PARPBP: variants seen among roughly 807,000 people sequenced by gnomAD.
PARPBP encodes the protein PCNA-interacting partner.
Under a neutral mutation model 50.0 loss-of-function variants are expected in PARPBP, and 52 were observed. The ratio of observed to expected loss-of-function variants is 1.04; its 90% CI spans 0.83 to 1.31. PARPBP has a LOEUF of 1.31. Among genes scored for constraint, PARPBP ranks in the 50% most tolerant of loss-of-function variants. PARPBP has a pLI of 0.00. For synonymous variants in PARPBP, 244 were observed against 232.1 expected, an observed-to-expected ratio of 1.05 and a Z score of -0.47; for missense variants, 697 against 672.0, an observed-to-expected ratio of 1.04 and a Z score of -0.41.
chr12:102,149,876 A>G (rs1174599345), intron 3 of PARPBP, among the ~76,000 whole-genome samples: 1 of 152,216 alleles, frequency 6.6e-6, no homozygotes, highest in African/African-American at 2.4e-5. Context: ...TTGCTTGCTT[A>G]CAGAGATGAT....
At chr12:102,191,505 A>C (rs147223682) in intron 9 of PARPBP, among the ~76,000 whole-genome samples, 7 of 152,270 alleles carry the variant, frequency 4.6e-5, no homozygotes, top group Non-Finnish European at 8.8e-5. Context: ...CAAACTTGCT[A>C]ATATATTTAT....
At chr12:102,142,075 G>A (rs576063266) in intron 2 of PARPBP, among the ~76,000 whole-genome samples, 1 of 152,236 alleles carries the variant, frequency 6.6e-6, no homozygotes, top group African/African-American at 2.4e-5. Context: ...ATATCCTGCA[G>A]AGTGTTTTCC....
intron 9 of PARPBP, among the ~76,000 whole-genome samples, chr12:102,187,266 C>G (rs1019677369): frequency 2.6e-5 from 4 of 151,962 alleles, no homozygotes; most frequent in Non-Finnish European, 5.9e-5. Context: ...AGTCCTAGTC[C>G]CCAGATACAG....
intron 1 of PARPBP, among the ~76,000 whole-genome samples, chr12:102,120,643 C>G (rs1180900432): frequency 6.6e-6 from 1 of 152,322 alleles, no homozygotes; most frequent in East Asian, 1.9e-4. Context: ...TAGTTACAGC[C>G]TCCCAAGGAA....
In PARPBP at chr12:102,150,781, G is replaced by A. The variant is rs780345707; in HGVS notation, c.387+2318G>A. Among the ~76,000 whole-genome samples, 78 of 152,214 alleles carry A rather than the reference G, an allele frequency of 5.1e-4. 2 individuals are homozygous for A. Among genetic ancestry groups the A allele is most frequent in the Non-Finnish European group, 1.0e-4 (7 of 68,038 alleles). ...AAGAGCTTAGCCTCAGAGATCTGTG[G>A]ACGTCTTTGGGGGAAGGTCAGCAAA... On this transcript the variant is annotated intron_variant, in intron 3 of 10. Coordinates refer to ENST00000327680, the MANE Select transcript of PARPBP (RefSeq NM_017915.5).
Position 102,161,145 on chromosome 12 carries a change from G to A in PARPBP, c.496-3293G>A, listed in dbSNP as rs924189436. 4.6e-5 allele frequency among the ~76,000 whole-genome samples: 7 copies of A among 151,664 alleles called. No individual in the cohort carries two copies. In the South Asian group the frequency reaches 8.3e-4, roughly 18 times the overall value. On this transcript the variant is annotated intron_variant, in intron 4 of 10. Coordinates refer to ENST00000327680, the MANE Select transcript of PARPBP (RefSeq NM_017915.5). ...TCTTTGGAGACAGTCTCATTCTGTC[G>A]CTCAGGCTGGAGTGCAGTAGCATTA... is the stretch of plus-strand genomic sequence containing the variant.
rs1881527839 is a variant in PARPBP at position 102,123,811 on chromosome 12, C to CT, written c.-3-73dup. On this transcript the variant is annotated intron_variant, in intron 1 of 10. Coordinates refer to ENST00000327680, the MANE Select transcript of PARPBP (RefSeq NM_017915.5). Reference sequence around the variant, plus strand: ...CACTATATGTTTTTCTCTATCTGTGCTTGCCTATACATGTTAAATGTTAAT... The same window carrying CT: ...CACTATATGTTTTTCTCTATCTGTGCTTTGCCTATACATGTTAAATGTTAAT... 8 of 931,492 alleles carry CT rather than the reference C, an allele frequency of 8.6e-6. No homozygotes were observed. In the East Asian group the frequency reaches 2.1e-4, roughly 25 times the overall value. The allele number at this position is 931,492 out of a possible 1,614,324, so 57.7% of individuals were successfully genotyped here.
rs761601630 is a variant in PARPBP at position 102,154,044 on chromosome 12, C to T, written c.495+68C>T. The T allele has an allele frequency of 4.2e-6, 4 of 953,154 alleles. No homozygotes were observed. The African/African-American group carries it at 4.9e-5, about 12-fold the overall frequency. The allele number at this position is 953,154 out of a possible 1,614,324, so 59.0% of individuals were successfully genotyped here. A position where few individuals can be genotyped will look rare whatever the true frequency, so the allele number is the denominator to read the frequency against. ...TTTCAAATCACTGAATTTGGTGGTA[C>T]CTTAAAGTTACTAATGCTTTGTAAA... On this transcript the variant is annotated intron_variant, in intron 4 of 10. Transcript: ENST00000327680.
chr12:102,138,804 G>A (rs1476447429), intron 2 of PARPBP, among the ~76,000 whole-genome samples: 1 of 152,144 alleles, frequency 6.6e-6, no homozygotes, highest in Non-Finnish European at 1.5e-5. Context: ...TTGTAGATGT[G>A]TGATATTATT....
intron 8 of PARPBP, among the ~76,000 whole-genome samples, chr12:102,179,577 C>T (rs1339870351): frequency 6.6e-6 from 1 of 152,166 alleles, no homozygotes; most frequent in Non-Finnish European, 1.5e-5. Flanking sequence ...GGTAGAAGCA[C>T]ATGGAGAGAG....
chr12:102,131,627 G>T (rs958527269), intron 2 of PARPBP, among the ~76,000 whole-genome samples: 7 of 152,060 alleles, frequency 4.6e-5, no homozygotes, highest in African/African-American at 1.7e-4. Context: ...AAGAAAATGT[G>T]GTACATATAC....
chr12:102,163,403 T>G (rs1232793551), intron 4 of PARPBP, among the ~76,000 whole-genome samples: 1 of 152,222 alleles, frequency 6.6e-6, no homozygotes, highest in East Asian at 1.9e-4. Context: ...TTTCTCTTAC[T>G]TTTGGCTGTC....
At chr12:102,195,204 C>A in intron 9 of PARPBP, 108 bp from the exon 10 acceptor site, 1 of 623,020 alleles carries the variant, frequency 1.6e-6, no homozygotes, top group South Asian at 3.1e-5. Context: ...AATAGAATTT[C>A]TAAGGGAAAT....
At chr12:102,183,956 G>A (rs759469565) in intron 9 of PARPBP, among the ~76,000 whole-genome samples, 3 of 149,222 alleles carry the variant, frequency 2.0e-5, no homozygotes, top group Non-Finnish European at 1.5e-5. Context: ...TCAGCTACTC[G>A]GTAGGCTGAG....
At chr12:102,161,886 A>G (rs1203466328) in intron 4 of PARPBP, among the ~76,000 whole-genome samples, 1 of 152,236 alleles carries the variant, frequency 6.6e-6, no homozygotes, top group Non-Finnish European at 1.5e-5. Flanking sequence ...GCATCTCTGA[A>G]AAGGTAACAT....
At chr12:102,176,357 T>C (rs772759666) in intron 7 of PARPBP, among the ~76,000 whole-genome samples, 1 of 152,226 alleles carries the variant, frequency 6.6e-6, no homozygotes, top group Non-Finnish European at 1.5e-5. Context: ...GTTTCTGACT[T>C]TAATACTAAG....
intron 8 of PARPBP, 85 bp from the exon 9 acceptor site, chr12:102,182,464 G>C (rs1460369850): frequency 1.1e-6 from 1 of 884,552 alleles, no homozygotes; most frequent in Non-Finnish European, 1.8e-6. Context: ...GATTGTATTG[G>C]GAATTAAGTT....
chr12:102,130,472 AT>A (rs1882672066), intron 2 of PARPBP, among the ~76,000 whole-genome samples: 2 of 152,298 alleles, frequency 1.3e-5, no homozygotes, highest in African/African-American at 4.8e-5. Flanking sequence ...ATAGGAGAAA[AT>A]TTTTGCAAAC....
chr12:102,121,884 A>G (rs1476985672), intron 1 of PARPBP, among the ~76,000 whole-genome samples: 4 of 152,178 alleles, frequency 2.6e-5, no homozygotes, highest in African/African-American at 2.4e-5. Flanking sequence ...CTCATAATGC[A>G]TGATAATAGC....
Sources: gnomAD v4.1 joint callset for allele counts (sites outside exome capture counted in the v4.1 genomes callset) on GRCh38, gnomAD v4.1.1 for gene constraint, MANE v1.5 for transcripts, NCBI Gene and HGNC (gene_info 2026-07-23, HGNC 2026-07-21) for gene names.